The following NEIL1 variants were observed in gnomAD, a reference collection of about 807,000 sequenced individuals.
The protein encoded by NEIL1 is nei like DNA glycosylase 1.
In NEIL1, 31 loss-of-function variants were observed where a neutral mutation model predicts 44.2. The ratio of observed to expected loss-of-function variants is 0.70; its 90% CI spans 0.53 to 0.95. NEIL1 has a LOEUF of 0.95. NEIL1 is among the 40% of genes least tolerant of loss of function. The probability of loss-of-function intolerance (pLI) is 0.00; values close to 1 mark genes in which losing one functional copy is unlikely to be tolerated. For missense variants in NEIL1, 549 were observed against 515.5 expected (o/e 1.07, Z -0.63); for synonymous variants, 254 against 209.7 (o/e 1.21, Z -1.83).
chr15:75,348,034 G>C, intron 1 of NEIL1: 1 of 1,143,920 alleles, frequency 8.7e-7, no homozygotes, highest in South Asian at 1.6e-5. Flanking sequence ...GAGGTGAGGA[G>C]TCGATACCCC....
chr15:75,356,592 T>TC lies in NEIL1; in HGVS notation c.*1562dup, dbSNP rs764286264. ...CTAGGGCTGCAGGAAGGCCCCACCG[T>TC]CCCCAGCACTCACCCTTGTGCGGCA... On this transcript the variant is annotated 3_prime_UTR_variant, in exon 10 of 10. Transcript: ENST00000355059. This position sits in a 1 kb window ranked among gnomAD's most constrained non-coding sequence, Gnocchi z 5.8. 33 of 1,554,588 alleles carry TC rather than the reference T, an allele frequency of 2.1e-5. No individual in the cohort carries two copies. The African/African-American group carries it at 4.4e-4, about 21-fold the overall frequency.
chr15:75,352,045 G>A, intron 2 of NEIL1, 66 bp from the exon 3 acceptor site: 1 of 1,551,376 alleles, frequency 6.4e-7, no homozygotes, highest in Non-Finnish European at 8.9e-7. Context: ...CAGGTTCTCT[G>A]AGCCCCTCTC....
chr15:75,349,498 G>C, intron 2 of NEIL1, 159 bp downstream of exon 2: 1 of 709,394 alleles, frequency 1.4e-6, no homozygotes, highest in Non-Finnish European at 2.3e-6. Flanking sequence ...TCAGCTCCCT[G>C]AGCCAGTGGG....
In NEIL1 at chr15:75,355,083, G is replaced by A. The variant is rs372049433; in HGVS notation, c.*49G>A. On this transcript the variant is annotated 3_prime_UTR_variant, in exon 10 of 10. Coordinates refer to ENST00000355059, the MANE Select transcript of NEIL1 (RefSeq NM_024608.4). Reference sequence around the variant, plus strand: ...TCACCCTTTCTTATTGTCTTGCCCTGCATCTGGGGGTCTGAATTTTTGGGA... The same window carrying A: ...TCACCCTTTCTTATTGTCTTGCCCTACATCTGGGGGTCTGAATTTTTGGGA... 8.6e-5 allele frequency: 134 copies of A among 1,551,960 alleles called. No homozygotes were observed. The highest frequency in any genetic ancestry group is 2.9e-4 in the Admixed American group (16 of 55,078).
chr15:75,355,110 C>A lies in NEIL1; in HGVS notation c.*76C>A. 2 of 1,316,534 alleles carry A rather than the reference C, an allele frequency of 1.5e-6. No homozygotes were observed. The highest frequency in any genetic ancestry group is 2.1e-6 in the Non-Finnish European group (2 of 934,958). 81.6% of individuals were successfully genotyped at this position (1,316,534 alleles called of 1,614,324 possible). A position where few individuals can be genotyped will look rare whatever the true frequency, so the allele number is the denominator to read the frequency against. ...ATCTGGGGGTCTGAATTTTTGGGAG[C>A]AGGCAATATCTGAAGGTGCAAACAG... On this transcript the variant is annotated 3_prime_UTR_variant, in exon 10 of 10. Transcript: ENST00000355059.
At chr15:75,353,579 A>G in intron 5 of NEIL1, 160 bp from the exon 6 acceptor site, 2 of 823,602 alleles carry the variant, frequency 2.4e-6, no homozygotes, top group South Asian at 2.7e-5. Flanking sequence ...CCGAGTGGGA[A>G]GAAACCAGCT....
At chr15:75,351,910 C>G (rs1423531231) in intron 2 of NEIL1, 1 of 544,302 alleles carries the variant, frequency 1.8e-6, no homozygotes, top group Non-Finnish European at 3.3e-6. Context: ...GCATGAGCCA[C>G]TGCACCTGGC....
At chr15:75,352,088 G>C in intron 2 of NEIL1, 23 bp from the exon 3 acceptor site, 1 of 1,613,090 alleles carries the variant, frequency 6.2e-7, no homozygotes, top group Non-Finnish European at 8.5e-7. Flanking sequence ...TGGGTCTTAC[G>C]CACCCAGACC....
At position 75,353,855 on chromosome 15, in the gene NEIL1, A is replaced by C; in HGVS notation, c.835A>C (p.Ile279Leu). 2 of 1,612,806 alleles carry C rather than the reference A, an allele frequency of 1.2e-6. No homozygotes were observed. Among genetic ancestry groups the C allele is most frequent in the Non-Finnish European group, 1.7e-6 (2 of 1,179,980 alleles). Residue 279 changes from isoleucine (I) to leucine (L), a missense_variant, in exon 6 of 10, where the codon ATC becomes CTC. Physicochemically the swap from Ile to Leu is conservative, Grantham distance 5. Transcript: ENST00000355059. ...SSLQDRHGRTIWFQGDPGPLA... is the reference protein window; with the variant it reads ...SSLQDRHGRTLWFQGDPGPLA... ...CCTGCAGGACCGGCATGGCCGTACC[A>C]TCTGGTTCCAGGTTGGGCCCTACTG...
chr15:75,351,531 A>G (rs2071890500), intron 2 of NEIL1, among the ~76,000 whole-genome samples: 1 of 151,988 alleles, frequency 6.6e-6, no homozygotes, highest in African/African-American at 2.4e-5. Flanking sequence ...TCAGCTTCCC[A>G]GAATGCTGGG....
chr15:75,348,507 T>C, intron 1 of NEIL1: 2 of 1,094,504 alleles, frequency 1.8e-6, no homozygotes, highest in Non-Finnish European at 2.2e-6. Flanking sequence ...CTCAAGTGTC[T>C]GGGACAGAGG....
chr15:75,356,647 G>GT lies in NEIL1; in HGVS notation c.*1614dup. ...TGCATAGGTGAACTCGTGGCGCCCC[G>GT]TGTCAGCAGTAGCGTCCGGGGCTTT... On this transcript the variant is annotated 3_prime_UTR_variant, in exon 10 of 10. Coordinates refer to ENST00000355059, the MANE Select transcript of NEIL1 (RefSeq NM_024608.4). The surrounding 1 kb of genome is among the most constrained non-coding windows in gnomAD (Gnocchi z 5.8). 1.3e-6 allele frequency: 2 copies of GT among 1,576,056 alleles called. No homozygotes were observed. Among genetic ancestry groups the GT allele is most frequent in the Non-Finnish European group, 1.7e-6 (2 of 1,161,152 alleles).
chr15:75,356,984 C>A lies in NEIL1; in HGVS notation c.*1950C>A. On this transcript the variant is annotated 3_prime_UTR_variant, in exon 10 of 10. Coordinates refer to ENST00000355059, the MANE Select transcript of NEIL1 (RefSeq NM_024608.4). This position sits in a 1 kb window ranked among gnomAD's most constrained non-coding sequence, Gnocchi z 5.8. ...GACTCCAGAGCTCCTGTCACTAGGC[C>A]GAGCACAAGCTCTAGAACCACACAA... 2.6e-6 allele frequency: 3 copies of A among 1,143,598 alleles called. No homozygotes were observed. Among genetic ancestry groups the A allele is most frequent in the South Asian group, 1.3e-5 (1 of 75,912 alleles). 70.8% of individuals were successfully genotyped at this position (1,143,598 alleles called of 1,614,324 possible).
chr15:75,348,185 G>A (rs2071590914), intron 1 of NEIL1: 1 of 701,442 alleles, frequency 1.4e-6, no homozygotes, highest in Non-Finnish European at 1.8e-6. Context: ...CAGCCCGCCC[G>A]CCTCGTCCTG....
intron 2 of NEIL1, among the ~76,000 whole-genome samples, chr15:75,351,044 GC>G (rs1469126746): frequency 6.6e-6 from 1 of 152,128 alleles, no homozygotes; most frequent in Non-Finnish European, 1.5e-5. Context: ...GGCTGCTAGG[GC>G]CCTCACTGGT....
chr15:75,351,936 A>C (rs935540367), intron 2 of NEIL1, 175 bp from the exon 3 acceptor site: 67 of 616,996 alleles, frequency 1.1e-4, no homozygotes, highest in Middle Eastern at 2.6e-4. Flanking sequence ...TTTCACAATG[A>C]ATTTAAATCC....
In NEIL1 at chr15:75,355,220, G is replaced by T; in HGVS notation, c.*186G>T. The T allele has an allele frequency of 1.7e-6, 1 of 591,610 alleles. No individual in the cohort carries two copies. Among genetic ancestry groups the T allele is most frequent in the Non-Finnish European group, 3.0e-6 (1 of 336,056 alleles). 36.6% of individuals were successfully genotyped at this position (591,610 alleles called of 1,614,324 possible). On this transcript the variant is annotated 3_prime_UTR_variant, in exon 10 of 10. Transcript: ENST00000355059. ...CTTTAAAGCTCATGTGAAAAATGCT[G>T]CATTTTTAATAAACTGATACATTTG...
Position 75,356,872 on chromosome 15 carries a change from C to A in NEIL1, c.*1838C>A. The stretch of plus-strand genomic sequence containing the variant: ...AGCAGGGCCAGCCCAAAGCCGTGTT[C>A]TGACAGATCCATCCAGCGATGGGCC... On this transcript the variant is annotated 3_prime_UTR_variant, in exon 10 of 10. Coordinates refer to ENST00000355059, the MANE Select transcript of NEIL1 (RefSeq NM_024608.4). This position sits in a 1 kb window ranked among gnomAD's most constrained non-coding sequence, Gnocchi z 5.8. 6.2e-7 allele frequency: 1 copy of A among 1,614,146 alleles called. No homozygotes were observed. Among genetic ancestry groups the A allele is most frequent in the Non-Finnish European group, 8.5e-7 (1 of 1,180,046 alleles).
Position 75,352,272 on chromosome 15 carries a change from G to GT in NEIL1, c.554+43dup, listed in dbSNP as rs774024464. 29 of 1,614,056 alleles carry GT rather than the reference G, an allele frequency of 1.8e-5. No homozygotes were observed. The Admixed American group carries it at 3.5e-4, about 19-fold the overall frequency. Reference sequence around the variant, plus strand: ...GGGCATGGGGACTGCGGTGGGCCAGGTGTGCCCACATTCCCCACTGCCTAG... The same window carrying GT: ...GGGCATGGGGACTGCGGTGGGCCAGGTTGTGCCCACATTCCCCACTGCCTAG... On this transcript the variant is annotated intron_variant, in intron 3 of 9. Transcript: ENST00000355059.
Sources: allele counts gnomAD v4.1 joint callset (sites outside exome capture counted in the v4.1 genomes callset), GRCh38; gene constraint gnomAD v4.1.1; non-coding constraint Gnocchi (gnomAD v3.1); transcripts MANE v1.5; gene names NCBI Gene and HGNC (gene_info 2026-07-23, HGNC 2026-07-21).